GALNTL6: variants seen among roughly 807,000 people sequenced by gnomAD.
GALNTL6 encodes polypeptide N-acetylgalactosaminyltransferase like 6.
GALNTL6 carries 46 observed loss-of-function variants against 73.7 expected under a neutral mutation model. The ratio of observed to expected loss-of-function variants is 0.62; its 90% CI spans 0.49 to 0.80. GALNTL6 has a LOEUF of 0.80. Ranked by LOEUF, GALNTL6 falls within the 30% of genes least tolerant of loss-of-function variation. GALNTL6 has a pLI of 0.00. For synonymous variants in GALNTL6, 259 were observed against 263.7 expected, an observed-to-expected ratio of 0.98 and a Z score of 0.17; for missense variants, 604 against 755.0, an observed-to-expected ratio of 0.80 and a Z score of 2.34.
chr4:172,399,412 A>T (rs988173348), intron 5 of GALNTL6, among the ~76,000 whole-genome samples: 2 of 152,068 alleles, frequency 1.3e-5, no homozygotes, highest in African/African-American at 4.8e-5. Flanking sequence ...ACTGCATGAT[A>T]TATACTTTTA....
chr4:172,060,037 C>G (rs1731148148), intron 2 of GALNTL6, among the ~76,000 whole-genome samples: 1 of 152,170 alleles, frequency 6.6e-6, no homozygotes, highest in South Asian at 2.1e-4. Flanking sequence ...GAATAAGTTA[C>G]TTTTCCTAAA....
At chr4:172,207,297 C>T (rs57382367) in intron 2 of GALNTL6, among the ~76,000 whole-genome samples, 8,260 of 152,056 alleles carry the variant, frequency 0.054, 735 homozygotes, top group African/African-American at 0.19. Context: ...AAAAAGCCTA[C>T]TTTGGATCTT....
intron 2 of GALNTL6, among the ~76,000 whole-genome samples, chr4:172,163,864 G>A (rs962945049): frequency 6.6e-6 from 1 of 151,916 alleles, no homozygotes; most frequent in Non-Finnish European, 1.5e-5. Flanking sequence ...AGGTACACGT[G>A]TCTATTTAAA....
intron 5 of GALNTL6, among the ~76,000 whole-genome samples, chr4:172,487,771 G>C (rs925278958): frequency 6.6e-6 from 1 of 152,074 alleles, no homozygotes; most frequent in Admixed American, 6.5e-5. Flanking sequence ...CAATATATTA[G>C]TAAATTGAAA....
chr4:172,346,923 T>C (rs989240133), intron 4 of GALNTL6, among the ~76,000 whole-genome samples: 6 of 152,064 alleles, frequency 3.9e-5, no homozygotes, highest in Non-Finnish European at 7.4e-5. Context: ...TTTCTCTGAT[T>C]GGATTGTATA....
chr4:172,328,400 G>A (rs774819004), intron 4 of GALNTL6, among the ~76,000 whole-genome samples: 1 of 151,954 alleles, frequency 6.6e-6, no homozygotes, highest in Non-Finnish European at 1.5e-5. Context: ...ATCTTGTAGG[G>A]CTTCTCTGTA....
intron 2 of GALNTL6, among the ~76,000 whole-genome samples, chr4:172,163,004 G>A (rs1247543276): frequency 6.6e-6 from 1 of 151,988 alleles, no homozygotes; most frequent in African/African-American, 2.4e-5. Flanking sequence ...TAGAAGACAT[G>A]TCTGGCAGCA....
At chr4:172,143,092 T>C (rs889116270) in intron 2 of GALNTL6, among the ~76,000 whole-genome samples, 1 of 152,028 alleles carries the variant, frequency 6.6e-6, no homozygotes, top group Admixed American at 6.6e-5. Flanking sequence ...ACTGGAGAAA[T>C]AGCAAGAAAA....
intron 2 of GALNTL6, among the ~76,000 whole-genome samples, chr4:172,014,938 C>T (rs1741138688): frequency 6.6e-6 from 1 of 151,908 alleles, no homozygotes; most frequent in African/African-American, 2.4e-5. Flanking sequence ...TTGACTTTTG[C>T]AGAAATTTAT....
chr4:172,615,737 GTTT>G (rs1738702699), intron 5 of GALNTL6, among the ~76,000 whole-genome samples: 1 of 152,086 alleles, frequency 6.6e-6, no homozygotes, highest in African/African-American at 2.4e-5. Flanking sequence ...TAACAACTCA[GTTT>G]AATTTATAAT....
chr4:172,582,686 C>T (rs1737238631), intron 5 of GALNTL6, among the ~76,000 whole-genome samples: 2 of 152,008 alleles, frequency 1.3e-5, no homozygotes, highest in South Asian at 4.2e-4. Context: ...AAAGGCATCA[C>T]TAAATTTTGC....
chr4:172,358,392 A>T (rs1400179568), intron 5 of GALNTL6, among the ~76,000 whole-genome samples: 1 of 152,286 alleles, frequency 6.6e-6, no homozygotes, highest in Non-Finnish European at 1.5e-5. Context: ...TCATGCTTGA[A>T]GGGCTAAACC....
chr4:172,389,140 A>G (rs1414126239), intron 5 of GALNTL6, among the ~76,000 whole-genome samples: 1 of 152,066 alleles, frequency 6.6e-6, no homozygotes, highest in East Asian at 1.9e-4. Context: ...TTAGGATTGT[A>G]TGGAATAAGA....
At chr4:172,322,959 G>A (rs537719338) in intron 4 of GALNTL6, among the ~76,000 whole-genome samples, 1 of 152,170 alleles carries the variant, frequency 6.6e-6, no homozygotes, top group South Asian at 2.1e-4. Context: ...AGAGTTAATA[G>A]TAGAAAAAAT....
At chr4:172,619,231 G>A (rs980011478) in intron 5 of GALNTL6, among the ~76,000 whole-genome samples, 2 of 151,938 alleles carry the variant, frequency 1.3e-5, no homozygotes, top group African/African-American at 2.4e-5. Context: ...AGATTCCTAC[G>A]CGCCCTTCAT....
intron 2 of GALNTL6, among the ~76,000 whole-genome samples, chr4:172,050,469 G>A (rs1484247800): frequency 1.3e-5 from 2 of 152,138 alleles, no homozygotes; most frequent in Non-Finnish European, 2.9e-5. Context: ...AAAAATTTGG[G>A]GTGGGCAGAA....
intron 2 of GALNTL6, among the ~76,000 whole-genome samples, chr4:172,136,357 TA>T (rs1456753464): frequency 6.6e-6 from 1 of 152,100 alleles, no homozygotes; most frequent in African/African-American, 2.4e-5. Context: ...TTTCATCTTT[TA>T]TTTTTTATGT....
intron 2 of GALNTL6, among the ~76,000 whole-genome samples, chr4:171,986,279 G>T (rs1740082002): frequency 6.6e-6 from 1 of 151,836 alleles, no homozygotes; most frequent in Non-Finnish European, 1.5e-5. Context: ...GTCAAAGGGG[G>T]GGTGTTCTCT....
intron 11 of GALNTL6, among the ~76,000 whole-genome samples, chr4:173,016,058 C>T (rs1181461288): frequency 6.6e-6 from 1 of 152,216 alleles, no homozygotes; most frequent in East Asian, 1.9e-4. Context: ...GCCTTAGCAC[C>T]TTCCATGTAG....
Sources: gnomAD v4.1 joint callset for allele counts (sites outside exome capture counted in the v4.1 genomes callset) on GRCh38, gnomAD v4.1.1 for gene constraint, MANE v1.5 for transcripts, NCBI Gene and HGNC (gene_info 2026-07-23, HGNC 2026-07-21) for gene names.